DUSP18: variants seen among roughly 807,000 people sequenced by gnomAD.
The protein encoded by DUSP18 is dual specificity protein phosphatase 18.
In DUSP18, 4 loss-of-function variants were observed where a neutral mutation model predicts 6.3. The observed-to-expected ratio is 0.63, with a 90% CI of 0.31 to 1.45. The LOEUF (loss-of-function observed/expected upper bound fraction) is 1.45, where lower values mean the gene tolerates loss of function less well. Among genes scored for constraint, DUSP18 ranks in the 40% most tolerant of loss-of-function variants. The pLI, the probability that DUSP18 is intolerant of heterozygous loss-of-function variation, is 0.07. For synonymous variants in DUSP18, 96 were observed against 95.1 expected (o/e 1.01, Z -0.05); for missense variants, 235 against 247.7 (o/e 0.95, Z 0.34).
Position 30,663,464 on chromosome 22 carries a change from C to A in DUSP18, c.540G>T (p.Lys180Asn), listed in dbSNP as rs759564724. 34 of 1,611,988 alleles carry A rather than the reference C, an allele frequency of 2.1e-5. No individual in the cohort carries two copies. The East Asian group carries it at 4.0e-4, about 19-fold the overall frequency. ...ACAGTGGAATCATCAAACGGACTTCCTTCTCATAGATGTCAGGGATCATTC... is the reference window on the plus strand; with the variant it reads ...ACAGTGGAATCATCAAACGGACTTCATTCTCATAGATGTCAGGGATCATTC... ...PVGMIPDIYEKEVRLMIPL is the reference protein window; with the variant it reads ...PVGMIPDIYENEVRLMIPL The change falls in exon 2 of 2, where the codon AAG becomes AAT. Residue 180 changes from lysine (K) to asparagine (N), a missense_variant. Physicochemically the swap from Lys to Asn is moderately conservative, Grantham distance 94. Transcript: ENST00000334679.
At chr22:30,666,645 A>AAAAAAAAAC (rs2088681735) in intron 1 of DUSP18, among the ~76,000 whole-genome samples, 1 of 142,974 alleles carries the variant, frequency 7.0e-6, no homozygotes, top group Admixed American at 7.0e-5. Context: ...AAAAAAAAAA[A>AAAAAAAAAC]AGCAATCTCT....
At chr22:30,665,608 T>C in intron 1 of DUSP18, 1 of 465,970 alleles carries the variant, frequency 2.1e-6, no homozygotes, top group Non-Finnish European at 4.4e-6. Context: ...TCCCTCACGT[T>C]TGACCAACTC....
intron 2 of DUSP18, chr22:30,653,989 T>C (rs891068083): frequency 6.3e-6 from 1 of 157,570 alleles, no homozygotes; most frequent in Non-Finnish European, 1.4e-5. Context: ...TTTTTTGTTT[T>C]TTTTTTTTGA....
downstream of DUSP18, among the ~76,000 whole-genome samples, chr22:30,659,865 T>C (rs1356536818): frequency 6.6e-6 from 1 of 152,192 alleles, no homozygotes; most frequent in East Asian, 1.9e-4. Context: ...TGGCTGGACT[T>C]AGATGTAACA....
downstream of DUSP18, among the ~76,000 whole-genome samples, chr22:30,656,725 G>A (rs943191624): frequency 2.0e-5 from 3 of 152,130 alleles, no homozygotes; most frequent in Non-Finnish European, 4.4e-5. Context: ...AAAGGACGTG[G>A]ACCCTCTCAA....
downstream of DUSP18, among the ~76,000 whole-genome samples, chr22:30,656,893 T>TC (rs1463523707): frequency 6.6e-6 from 1 of 152,078 alleles, no homozygotes; most frequent in Non-Finnish European, 1.5e-5. Context: ...GGAGGAAGGA[T>TC]CACTTGAGCC....
intron 2 of DUSP18, chr22:30,654,920 C>T (rs1399684767): frequency 6.0e-6 from 1 of 166,426 alleles, no homozygotes; most frequent in East Asian, 1.9e-4. Context: ...CCCTGGAACC[C>T]TGTTTGAAAA....
At chr22:30,656,543 C>G (rs984341806), downstream of DUSP18, among the ~76,000 whole-genome samples, 1 of 152,238 alleles carries the variant, frequency 6.6e-6, no homozygotes, top group African/African-American at 2.4e-5. Flanking sequence ...TTCATGTAAT[C>G]AAAAAGAGGC....
At chr22:30,661,205 C>G (rs940065115), downstream of DUSP18, among the ~76,000 whole-genome samples, 1 of 152,092 alleles carries the variant, frequency 6.6e-6, no homozygotes, top group Non-Finnish European at 1.5e-5. Flanking sequence ...GCCACCCCCC[C>G]GCCAAGTGAA....
rs144406312 is a variant in DUSP18, at chr22:30,661,935, ACCTCTAGATT to A, written c.*1492_*1501del. On this transcript the variant is annotated 3_prime_UTR_variant, in exon 2 of 2. Coordinates refer to ENST00000334679, the MANE Select transcript of DUSP18 (RefSeq NM_152511.5). ...CTGGAACTGTGCTCCTTGTTTCAGG[ACCTCTAGATT>A]GCACCTAGATTAAACAAGACGGAAG... 6,799 of 151,866 alleles carry A rather than the reference ACCTCTAGATT, an allele frequency of 0.045. 325 individuals carry two copies. The highest frequency in any genetic ancestry group is 0.24 in the East Asian group (1,218 of 5,144). 9.4% of individuals were successfully genotyped at this position (151,866 alleles called of 1,614,324 possible). A position where few individuals can be genotyped will look rare whatever the true frequency, so the allele number is the denominator to read the frequency against.
intron 1 of DUSP18, chr22:30,664,954 C>T (rs904752176): frequency 6.5e-6 from 1 of 152,700 alleles, no homozygotes; most frequent in Non-Finnish European, 1.5e-5. Context: ...CTTCCCTTCA[C>T]CTGCTCGATA....
intron 2 of DUSP18, among the ~76,000 whole-genome samples, chr22:30,653,598 C>T (rs868224416): frequency 6.6e-6 from 1 of 151,646 alleles, no homozygotes; most frequent in Non-Finnish European, 1.5e-5. Flanking sequence ...GTCTCGAACT[C>T]CTGATCTCAA....
chr22:30,666,033 T>C lies in DUSP18; in HGVS notation c.-78+1429A>G, dbSNP rs1602111444. 2.0e-5 allele frequency among the ~76,000 whole-genome samples: 3 copies of C among 152,216 alleles called. No homozygotes were observed. The East Asian group carries it at 5.8e-4, about 29-fold the overall frequency. ...TGCCAATGCCCCAGACTCAAATGCA[T>C]CAGGCTCATTCCCGGAAGGACAGAG... On this transcript the variant is annotated intron_variant, in intron 1 of 1. Transcript: ENST00000334679.
intron 1 of DUSP18, chr22:30,667,214 G>A (rs150516779): frequency 1.0e-3 from 154 of 152,286 alleles, no homozygotes; most frequent in African/African-American, 3.5e-3. Context: ...GACACAGCGC[G>A]GAAAAGGACT....
rs200346696 is a variant in DUSP18, at chr22:30,663,708, C to T, written c.296G>A (p.Arg99His). The T allele has an allele frequency of 7.4e-5, 120 of 1,614,098 alleles. No homozygotes were observed. Among genetic ancestry groups the T allele is most frequent in the South Asian group, 8.8e-5 (8 of 91,088 alleles). The change falls in exon 2 of 2, where the codon CGT (arginine) becomes CAT (histidine). Residue 99 changes from arginine (R) to histidine (H), a missense_variant. By Grantham distance (29) the Arg-to-His change is conservative (BLOSUM62 0). Coordinates refer to ENST00000334679, the MANE Select transcript of DUSP18 (RefSeq NM_152511.5). ...ACCAGCAGCACAGTGCAGCAAAGTA[C>T]GGCCCTGCTTCATCTCCACGCTGTG... Reference protein sequence around the residue: ...HIHSVEMKQGRTLLHCAAGVS... With the variant: ...HIHSVEMKQGHTLLHCAAGVS...
Position 30,664,085 on chromosome 22 carries a change from A to G in DUSP18, c.-77-5T>C, listed in dbSNP as rs187835813. 154 of 1,346,052 alleles carry G rather than the reference A, an allele frequency of 1.1e-4. No homozygotes were observed. In the East Asian group the frequency reaches 3.2e-3, roughly 28 times the overall value. The allele number at this position is 1,346,052 out of a possible 1,614,324, so 83.4% of individuals were successfully genotyped here. ...CTAGGCTGTGTCCATGGAAAACTGC[A>G]GAGAGGGAGAGGATGTTTAGAGGGC... On this transcript the variant is annotated splice_polypyrimidine_tract_variant and splice_region_variant and intron_variant, in intron 1 of 1. Coordinates refer to ENST00000334679, the MANE Select transcript of DUSP18 (RefSeq NM_152511.5).
chr22:30,663,787 C>A lies in DUSP18; in HGVS notation c.217G>T (p.Asp73Tyr). 1 of 1,614,218 alleles carries A rather than the reference C, an allele frequency of 6.2e-7. No homozygotes were observed. The highest frequency in any genetic ancestry group is 8.5e-7 in the Non-Finnish European group (1 of 1,180,040). Reference sequence around the variant, plus strand: ...TCACAGAGACGTGAGTTAGGGGAGTCAGCCACAGGTACCTGCATGTACTGG... The same window carrying A: ...TCACAGAGACGTGAGTTAGGGGAGTAAGCCACAGGTACCTGCATGTACTGG... ...DIQYMQVPVA[D>Y]SPNSRLCDFF... is the part of the protein sequence containing the mutation. The change falls in exon 2 of 2, where the codon GAC becomes TAC. Residue 73 changes from aspartate to tyrosine, a missense_variant. Physicochemically the swap from Asp to Tyr is radical, Grantham distance 160. Transcript: ENST00000334679.
intron 2 of DUSP18, among the ~76,000 whole-genome samples, chr22:30,656,245 G>A (rs951574029): frequency 1.3e-5 from 2 of 152,024 alleles, no homozygotes; most frequent in African/African-American, 4.8e-5. Flanking sequence ...CCAAAGGGCT[G>A]GGATTACAGG....
At chr22:30,658,386 A>AAT (rs2088389229), downstream of DUSP18, among the ~76,000 whole-genome samples, 1 of 147,612 alleles carries the variant, frequency 6.8e-6, no homozygotes, top group Non-Finnish European at 1.5e-5. Context: ...AAAAAAAAAA[A>AAT]TTTTTTTTTT....
Sources: allele counts gnomAD v4.1 joint callset (sites outside exome capture counted in the v4.1 genomes callset), GRCh38; gene constraint gnomAD v4.1.1; transcripts MANE v1.5; gene names NCBI Gene and HGNC (gene_info 2026-07-23, HGNC 2026-07-21).